The following RELT variants were observed in gnomAD, a reference collection of about 807,000 sequenced individuals.
RELT encodes the protein tumor necrosis factor receptor superfamily member 19L.
A neutral mutation model predicts 51.1 loss-of-function variants in RELT; 37 were observed. The ratio of observed to expected loss-of-function variants is 0.72; its 90% CI spans 0.56 to 0.95. The LOEUF is 0.95. Among genes scored for constraint, RELT ranks in the 40% least tolerant of loss-of-function variants. The pLI, the probability that RELT is intolerant of heterozygous loss-of-function variation, is 0.00. For missense variants in RELT, 535 were observed against 572.6 expected, an observed-to-expected ratio of 0.93 and a Z score of 0.67; for synonymous variants, 241 against 235.7, an observed-to-expected ratio of 1.02 and a Z score of -0.21.
intron 1 of RELT, among the ~76,000 whole-genome samples, chr11:73,382,289 G>A (rs1346495421): frequency 1.3e-5 from 2 of 152,326 alleles, no homozygotes; most frequent in Non-Finnish European, 2.9e-5. Flanking sequence ...CCAGGGCTGT[G>A]GTCTCCCCCA....
chr11:73,390,697 C>A, intron 3 of RELT, 58 bp from the exon 4 acceptor site: 1 of 1,608,712 alleles, frequency 6.2e-7, no homozygotes, highest in Non-Finnish European at 8.5e-7. Flanking sequence ...CTGTGCCTGG[C>A]CCCCAAGGGT....
rs1358139556 is a variant in RELT, at chr11:73,392,457, G to A, written c.614G>A (p.Gly205Asp). The A allele has an allele frequency of 6.2e-7, 1 of 1,611,982 alleles. No homozygotes were observed. The highest frequency in any genetic ancestry group is 1.3e-5 in the African/African-American group (1 of 74,938). Residue 205 changes from glycine to aspartate, a missense_variant, in exon 6 of 11, where the codon GGT becomes GAT. By Grantham distance (94) the Gly-to-Asp change is moderately conservative. Transcript: ENST00000064780. ...AHKEVGPGPG[G>D]GGSGINPAYR... ...AAGGAGGTCGGGCCCGGCCCTGGAG[G>A]TGGAGGCAGTGGTGAGGCCCAGCTG...
intron 1 of RELT, among the ~76,000 whole-genome samples, chr11:73,381,196 A>G (rs995806596): frequency 6.6e-6 from 1 of 152,186 alleles, no homozygotes; most frequent in Non-Finnish European, 1.5e-5. Context: ...AGCTCTATAA[A>G]TAAGCTGCCC....
intron 6 of RELT, chr11:73,392,746 G>A (rs1866239650): frequency 7.3e-7 from 1 of 1,375,960 alleles, no homozygotes; most frequent in Non-Finnish European, 9.4e-7. Context: ...ACTCTTTGGA[G>A]GCCACAGTTG....
At chr11:73,379,304 G>T (rs1315157175) in intron 1 of RELT, among the ~76,000 whole-genome samples, 1 of 152,208 alleles carries the variant, frequency 6.6e-6, no homozygotes, top group African/African-American at 2.4e-5. Flanking sequence ...CTTAAAGGAG[G>T]CCCCCAGCCT....
intron 10 of RELT, 45 bp downstream of exon 10, chr11:73,395,330 C>G (rs1234940914): frequency 6.2e-7 from 1 of 1,603,080 alleles, no homozygotes; most frequent in African/African-American, 1.3e-5. Context: ...TGGGCCAACC[C>G]TGACCGAAGA....
At chr11:73,381,776 G>C (rs1866054015) in intron 1 of RELT, among the ~76,000 whole-genome samples, 1 of 152,190 alleles carries the variant, frequency 6.6e-6, no homozygotes. Flanking sequence ...TGTGGGAGCA[G>C]GTGGACGTAG....
At chr11:73,390,530 C>A in intron 2 of RELT, 21 bp from the exon 3 acceptor site, 1 of 1,611,812 alleles carries the variant, frequency 6.2e-7, no homozygotes, top group Non-Finnish European at 8.5e-7. Flanking sequence ...CTGCCTCTTT[C>A]AATGCCTACT....
intron 2 of RELT, 26 bp downstream of exon 2, chr11:73,389,207 G>T (rs1449450549): frequency 2.6e-6 from 4 of 1,513,422 alleles, no homozygotes; most frequent in South Asian, 1.2e-5. Flanking sequence ...GCCCTGGGAA[G>T]GAGAAAAGCC....
At chr11:73,389,030 C>A in intron 1 of RELT, 82 bp from the exon 2 acceptor site, 1 of 752,086 alleles carries the variant, frequency 1.3e-6, no homozygotes, top group Non-Finnish European at 2.3e-6. Context: ...TGAGTCCTGT[C>A]ATCCTGGAAG....
chr11:73,392,352 C>G lies in RELT; in HGVS notation c.509C>G (p.Pro170Arg), dbSNP rs2134453002. 2.5e-6 allele frequency: 4 copies of G among 1,613,874 alleles called. No individual in the cohort carries two copies. In the East Asian group the frequency reaches 6.7e-5, roughly 27 times the overall value. ...AAQYAVIAIVPVFCLMGLLGI... is the reference protein window; with the variant it reads ...AAQYAVIAIVRVFCLMGLLGI... ...CAGTACGCGGTCATCGCCATCGTCC[C>G]TGTCTTCTGCCTCATGGGGCTGTTG... Residue 170 changes from proline (P) to arginine (R), a missense_variant, in exon 6 of 11, where the codon CCT becomes CGT. Transcript: ENST00000064780.
rs1459779023 is a variant in RELT at position 73,395,431 on chromosome 11, C to T, written c.1246-13C>T. 4 of 918,202 alleles carry T rather than the reference C, an allele frequency of 4.4e-6. No homozygotes were observed. The highest frequency in any genetic ancestry group is 1.3e-5 in the South Asian group (1 of 77,368). 56.9% of individuals were successfully genotyped at this position (918,202 alleles called of 1,614,324 possible). A position where few individuals can be genotyped will look rare whatever the true frequency, so the allele number is the denominator to read the frequency against. On this transcript the variant is annotated splice_polypyrimidine_tract_variant and intron_variant, in intron 10 of 10. Coordinates refer to ENST00000064780, the MANE Select transcript of RELT (RefSeq NM_152222.2). Reference sequence around the variant, plus strand: ...CCCTGACTCAGCTCTGACCCCTCACCCCTGCCCACCAGGAGAACCGCTATG... The same window carrying T: ...CCCTGACTCAGCTCTGACCCCTCACTCCTGCCCACCAGGAGAACCGCTATG...
chr11:73,376,450 G>A lies in RELT; in HGVS notation c.-75G>A, dbSNP rs1865967547. ...CCGGGCGCTCGCCGAGCCGGGCCGC[G>A]GCGCCGAGTCGAACGGGGAGCCGAG... On this transcript the variant is annotated 5_prime_UTR_variant, in exon 1 of 11. Transcript: ENST00000064780. 1 of 152,066 alleles carries A rather than the reference G, an allele frequency of 6.6e-6. No individual in the cohort carries two copies. The highest frequency in any genetic ancestry group is 1.9e-4 in the East Asian group (1 of 5,154). The allele number at this position is 152,066 out of a possible 1,614,324, so 9.4% of individuals were successfully genotyped here.
chr11:73,379,305 C>G (rs1250666681), intron 1 of RELT, among the ~76,000 whole-genome samples: 4 of 152,280 alleles, frequency 2.6e-5, no homozygotes, highest in African/African-American at 9.6e-5. Context: ...TTAAAGGAGG[C>G]CCCCAGCCTC....
Position 73,395,601 on chromosome 11 carries a change from A to G in RELT, c.*110A>G. ...TGTGAGGACCGAGAAGCAATGGCCC[A>G]GCAGACGAGACAGCAAAGACCAAGG... On this transcript the variant is annotated 3_prime_UTR_variant, in exon 11 of 11. Transcript: ENST00000064780. 1.3e-6 allele frequency: 1 copy of G among 760,040 alleles called. No individual in the cohort carries two copies. The highest frequency in any genetic ancestry group is 2.4e-5 in the East Asian group (1 of 41,018). 47.1% of individuals were successfully genotyped at this position (760,040 alleles called of 1,614,324 possible).
At position 73,389,121 on chromosome 11, in the gene RELT, C is replaced by T. The variant is rs752077515; in HGVS notation, c.-16C>T. The T allele has an allele frequency of 6.5e-7, 1 of 1,544,914 alleles. No homozygotes were observed. The highest frequency in any genetic ancestry group is 8.7e-7 in the Non-Finnish European group (1 of 1,144,274). The stretch of plus-strand genomic sequence containing the variant: ...TCTCCATCTGCCCTAGGCCGGCGAC[C>T]ACCAGGGGCCTGAGGATGAAGCCAA... On this transcript the variant is annotated 5_prime_UTR_variant, in exon 2 of 11. Transcript: ENST00000064780.
At chr11:73,392,535 G>C in intron 6 of RELT, 67 bp downstream of exon 6, 1 of 1,550,652 alleles carries the variant, frequency 6.4e-7, no homozygotes, top group South Asian at 1.2e-5. Context: ...TCCACTTGGG[G>C]GCTGCCAGCG....
chr11:73,393,897 G>A lies in RELT; in HGVS notation c.686G>A (p.Arg229His), dbSNP rs369054462. 24 of 1,613,892 alleles carry A rather than the reference G, an allele frequency of 1.5e-5. No homozygotes were observed. Among genetic ancestry groups the A allele is most frequent in the African/African-American group, 5.3e-5 (4 of 74,900 alleles). The change falls in exon 7 of 11, where the codon CGC becomes CAC. Residue 229 changes from arginine to histidine, a missense_variant. Transcript: ENST00000064780. ...ANEDTIGVLV[R>H]LITEKKENAA... ...GAGGACACCATTGGGGTCCTGGTGCGCTTGATCACAGAGAAGAAAGGTGAG... is the reference window on the plus strand; with the variant it reads ...GAGGACACCATTGGGGTCCTGGTGCACTTGATCACAGAGAAGAAAGGTGAG...
At chr11:73,380,158 G>A (rs996416680) in intron 1 of RELT, among the ~76,000 whole-genome samples, 1 of 152,174 alleles carries the variant, frequency 6.6e-6, no homozygotes, top group Non-Finnish European at 1.5e-5. Flanking sequence ...TGGGGCCAGC[G>A]TGGCCAGTAG....
Sources: gnomAD v4.1 joint callset for allele counts (sites outside exome capture counted in the v4.1 genomes callset) on GRCh38, gnomAD v4.1.1 for gene constraint, MANE v1.5 for transcripts, NCBI Gene and HGNC (gene_info 2026-07-23, HGNC 2026-07-21) for gene names.